The following GOLPH3L variants were observed in gnomAD, a reference collection of about 807,000 sequenced individuals.
GOLPH3L encodes golgi phosphoprotein 3 like.
GOLPH3L carries 22 observed loss-of-function variants against 30.3 expected under a neutral mutation model. The ratio of observed to expected loss-of-function variants is 0.73; its 90% confidence interval spans 0.52 to 1.04. The LOEUF (loss-of-function observed/expected upper bound fraction) is 1.04. Among genes scored for constraint, GOLPH3L ranks in the 50% least tolerant of loss-of-function variants. The pLI, the probability that GOLPH3L is intolerant of heterozygous loss-of-function variation, is 0.00. For synonymous variants in GOLPH3L, 120 were observed against 128.2 expected (o/e 0.94, Z 0.43); for missense variants, 303 against 345.8 (o/e 0.88, Z 0.98).
rs587754851 is a variant in GOLPH3L at position 150,666,883 on chromosome 1, CTTTA to C, written c.184-3124_184-3121del. ...CTTGATACCTGACAATATCTGAGGA[CTTTA>C]TTTGTCACTTCTTCCTTGTTTGTAT... On this transcript the variant is annotated intron_variant, in intron 2 of 4. Coordinates refer to ENST00000271732, the MANE Select transcript of GOLPH3L (RefSeq NM_018178.6). 6.5e-3 allele frequency among the ~76,000 whole-genome samples: 985 copies of C among 152,112 alleles called. 3 individuals carry two copies. The highest frequency in any genetic ancestry group is 7.5e-3 in the Non-Finnish European group (508 of 67,994).
At chr1:150,690,619 G>A (rs1261583040) in intron 2 of GOLPH3L, among the ~76,000 whole-genome samples, 1 of 152,074 alleles carries the variant, frequency 6.6e-6, no homozygotes, top group South Asian at 2.1e-4. Context: ...GGTCCAAATC[G>A]AATTTACTGA....
chr1:150,671,672 C>T (rs1382617873), intron 2 of GOLPH3L, among the ~76,000 whole-genome samples: 1 of 151,450 alleles, frequency 6.6e-6, no homozygotes, highest in Admixed American at 6.6e-5. Flanking sequence ...GGGTGTGGTG[C>T]CGCATGCCTG....
chr1:150,695,517 C>T (rs903970261), intron 1 of GOLPH3L, among the ~76,000 whole-genome samples: 4 of 152,022 alleles, frequency 2.6e-5, no homozygotes, highest in Non-Finnish European at 4.4e-5. Context: ...CAAAATGGAT[C>T]CCAAGTTAAG....
intron 4 of GOLPH3L, among the ~76,000 whole-genome samples, chr1:150,656,358 T>G (rs1392576460): frequency 6.6e-6 from 1 of 152,152 alleles, no homozygotes; most frequent in Non-Finnish European, 1.5e-5. Flanking sequence ...TAGGGGACAT[T>G]AATTGGATAC....
chr1:150,675,088 C>A (rs1390924556), intron 2 of GOLPH3L, among the ~76,000 whole-genome samples: 1 of 151,988 alleles, frequency 6.6e-6, no homozygotes, highest in East Asian at 1.9e-4. Flanking sequence ...CTATGTTGCC[C>A]AGGCTGGTGT....
At chr1:150,679,598 C>T (rs1650902120) in intron 2 of GOLPH3L, among the ~76,000 whole-genome samples, 1 of 152,108 alleles carries the variant, frequency 6.6e-6, no homozygotes, top group South Asian at 2.1e-4. Flanking sequence ...GAGTTAGAGA[C>T]CAGCCTGGGC....
intron 2 of GOLPH3L, among the ~76,000 whole-genome samples, chr1:150,666,689 C>A (rs1650515855): frequency 6.6e-6 from 1 of 152,052 alleles, no homozygotes; most frequent in Non-Finnish European, 1.5e-5. Context: ...TTCAAACTAA[C>A]CCTGAGATTT....
At chr1:150,685,941 C>T (rs948097599) in intron 2 of GOLPH3L, among the ~76,000 whole-genome samples, 2 of 144,372 alleles carry the variant, frequency 1.4e-5, no homozygotes, top group Non-Finnish European at 3.0e-5. Context: ...GTGGCGCAAC[C>T]TTGGCTCACT....
chr1:150,695,377 T>A (rs1410419742), intron 1 of GOLPH3L, among the ~76,000 whole-genome samples: 5 of 152,180 alleles, frequency 3.3e-5, no homozygotes, highest in Non-Finnish European at 5.9e-5. Context: ...CCTCAAGTGA[T>A]CTGCCTGCCT....
At chr1:150,693,379 C>A (rs587747889) in intron 2 of GOLPH3L, among the ~76,000 whole-genome samples, 2 of 152,206 alleles carry the variant, frequency 1.3e-5, no homozygotes, top group South Asian at 4.1e-4. Flanking sequence ...ATTATCAAAG[C>A]CAAATTTAGT....
At chr1:150,653,036 G>C (rs143932949) in intron 4 of GOLPH3L, among the ~76,000 whole-genome samples, 48 of 151,738 alleles carry the variant, frequency 3.2e-4, no homozygotes, top group African/African-American at 1.0e-3. Flanking sequence ...TGTAATCCCA[G>C]AACTTTGGGA....
In GOLPH3L at chr1:150,646,310, T is replaced by G. The variant is rs1301487369; in HGVS notation, c.*2011A>C. 1 of 152,226 alleles carries G rather than the reference T, an allele frequency of 6.6e-6. No individual in the cohort carries two copies. Among genetic ancestry groups the G allele is most frequent in the Non-Finnish European group, 1.5e-5 (1 of 68,034 alleles). The allele number at this position is 152,226 out of a possible 1,614,324, so 9.4% of individuals were successfully genotyped here. On this transcript the variant is annotated 3_prime_UTR_variant, in exon 5 of 5. Transcript: ENST00000271732. ...AGAAGGAGTTTGGCAGTGAACATTA[T>G]GCAGATTCAAACTGAAGGTATCCTC...
At chr1:150,685,874 C>CTTTT (rs35375244) in intron 2 of GOLPH3L, among the ~76,000 whole-genome samples, 15 of 121,010 alleles carry the variant, frequency 1.2e-4, no homozygotes, top group South Asian at 2.7e-4. Context: ...GTAAGTATGT[C>CTTTT]TTTTTTTTTT....
intron 1 of GOLPH3L, 130 bp from the exon 2 acceptor site, chr1:150,694,980 G>A (rs1557791975): frequency 9.9e-6 from 6 of 606,804 alleles, no homozygotes; most frequent in Non-Finnish European, 1.7e-5. Flanking sequence ...AGAAAGGAAG[G>A]AGTAATGACC....
At chr1:150,666,741 A>AT (rs1650517277) in intron 2 of GOLPH3L, among the ~76,000 whole-genome samples, 1 of 151,838 alleles carries the variant, frequency 6.6e-6, no homozygotes, top group Non-Finnish European at 1.5e-5. Flanking sequence ...TTATTTAGTT[A>AT]TTTTTCACAT....
chr1:150,691,389 G>A (rs1215881956), intron 2 of GOLPH3L, among the ~76,000 whole-genome samples: 2 of 152,030 alleles, frequency 1.3e-5, no homozygotes, highest in African/African-American at 4.8e-5. Flanking sequence ...GGTGGCGGGT[G>A]CCTGTAATCC....
intron 2 of GOLPH3L, among the ~76,000 whole-genome samples, chr1:150,677,767 G>C (rs372548014): frequency 5.3e-5 from 8 of 150,902 alleles, no homozygotes; most frequent in African/African-American, 1.9e-4. Flanking sequence ...ATGGAACTAC[G>C]GGCACATGCC....
rs200454281 is a variant in GOLPH3L, at chr1:150,663,755, T to C, written c.192A>G (p.Thr64=). ...ATGATATGCAGTCATTCCAGAAAGA[T>C]GTGTACCCCTAGGAAAGGAGAAAAG... ...LLGLKDKEGY[T]SFWNDCISSG... The change falls in exon 3 of 5, where the codon ACA becomes ACG. Residue 64 remains threonine, a synonymous_variant. Transcript: ENST00000271732. 2.5e-6 allele frequency: 4 copies of C among 1,613,022 alleles called. No homozygotes were observed. Among genetic ancestry groups the C allele is most frequent in the East Asian group, 4.5e-5 (2 of 44,878 alleles).
At chr1:150,688,940 C>T (rs1651150264) in intron 2 of GOLPH3L, among the ~76,000 whole-genome samples, 1 of 152,150 alleles carries the variant, frequency 6.6e-6, no homozygotes, top group African/African-American at 2.4e-5. Flanking sequence ...GACTTTCTGG[C>T]TTCTACTCCC....
Sources: allele counts gnomAD v4.1 joint callset (sites outside exome capture counted in the v4.1 genomes callset), GRCh38; gene constraint gnomAD v4.1.1; transcripts MANE v1.5; gene names NCBI Gene and HGNC (gene_info 2026-07-23, HGNC 2026-07-21).